Variants in CDH13 observed in about 807,000 individuals in gnomAD.
CDH13 encodes the protein cadherin 13, also known as cadherin-13.
Under a neutral mutation model 63.8 loss-of-function variants are expected in CDH13, and 24 were observed. The observed-to-expected ratio is 0.38, with a 90% CI of 0.27 to 0.53. The LOEUF (loss-of-function observed/expected upper bound fraction) is 0.53. Among genes scored for constraint, CDH13 ranks in the 20% least tolerant of loss-of-function variants. CDH13 has a pLI of 0.85. For synonymous variants in CDH13, 503 were observed against 355.3 expected (o/e 1.42, Z -4.67); for missense variants, 1,049 against 903.1 (o/e 1.16, Z -2.07).
At chr16:83,758,793 C>A (rs1238269007) in intron 11 of CDH13, among the ~76,000 whole-genome samples, 2 of 152,160 alleles carry the variant, frequency 1.3e-5, no homozygotes, top group African/African-American at 2.4e-5. Flanking sequence ...ATCAGAAACA[C>A]CAAATAGCAA....
At chr16:82,945,844 T>A (rs1407507181) in intron 2 of CDH13, among the ~76,000 whole-genome samples, 2 of 152,144 alleles carry the variant, frequency 1.3e-5, no homozygotes, top group East Asian at 3.9e-4. Context: ...AGAGTCAAGA[T>A]AAAATACCTA....
chr16:83,394,256 A>C (rs939374066), intron 6 of CDH13, among the ~76,000 whole-genome samples: 3 of 152,056 alleles, frequency 2.0e-5, no homozygotes, highest in East Asian at 3.8e-4. Flanking sequence ...TTTAAAAAAA[A>C]AAAACAAAAA....
intron 5 of CDH13, among the ~76,000 whole-genome samples, chr16:83,290,833 C>T (rs1176589962): frequency 1.3e-5 from 2 of 152,170 alleles, no homozygotes; most frequent in Non-Finnish European, 2.9e-5. Context: ...TCAGGGCCGC[C>T]TTTCACCTTG....
chr16:83,769,034 G>A (rs543955162), intron 11 of CDH13, among the ~76,000 whole-genome samples: 6 of 152,276 alleles, frequency 3.9e-5, no homozygotes, highest in African/African-American at 1.2e-4. Context: ...GTCACAGAAC[G>A]AGAAGATGGG....
At chr16:83,340,369 T>A (rs1173158019) in intron 5 of CDH13, among the ~76,000 whole-genome samples, 1 of 152,080 alleles carries the variant, frequency 6.6e-6, no homozygotes, top group Non-Finnish European at 1.5e-5. Context: ...CCTACAAACA[T>A]CTGTCTTCCT....
At chr16:82,947,900 G>C (rs1411912117) in intron 2 of CDH13, among the ~76,000 whole-genome samples, 2 of 152,166 alleles carry the variant, frequency 1.3e-5, no homozygotes, top group South Asian at 2.1e-4. Flanking sequence ...GATGGAACTA[G>C]TTGGGAGTGT....
At chr16:83,676,589 C>T (rs915808179) in intron 9 of CDH13, among the ~76,000 whole-genome samples, 2 of 152,238 alleles carry the variant, frequency 1.3e-5, no homozygotes, top group Non-Finnish European at 2.9e-5. Context: ...TGGTGAATTA[C>T]TGCTGTGTTA....
chr16:83,412,661 G>A (rs144239807), intron 6 of CDH13, among the ~76,000 whole-genome samples: 248 of 152,238 alleles, frequency 1.6e-3, no homozygotes, highest in Non-Finnish European at 3.1e-3. Context: ...TCAACTCCTT[G>A]CAGGTAGACA....
At chr16:83,507,357 T>C (rs2074425315) in intron 7 of CDH13, among the ~76,000 whole-genome samples, 1 of 152,222 alleles carries the variant, frequency 6.6e-6, no homozygotes, top group East Asian at 1.9e-4. Flanking sequence ...GCTGAATGAA[T>C]GAAGAGTGTG....
intron 5 of CDH13, among the ~76,000 whole-genome samples, chr16:83,303,735 G>A (rs1427478109): frequency 6.6e-6 from 1 of 152,144 alleles, no homozygotes; most frequent in Non-Finnish European, 1.5e-5. Flanking sequence ...GAAACCTTGA[G>A]GCTACTGCTT....
At chr16:83,658,894 GTATCCTCACCAGCAAGGTCCCA>G (rs1913159912) in intron 8 of CDH13, among the ~76,000 whole-genome samples, 4 of 66,926 alleles carry the variant, frequency 6.0e-5, no homozygotes, top group African/African-American at 1.8e-4. Context: ...ACCAGGTCCC[GTATCCTCACCAGCAAGGTCCCA>G]TATCCTCACC....
intron 8 of CDH13, among the ~76,000 whole-genome samples, chr16:83,670,415 C>T (rs1029779058): frequency 3.3e-5 from 5 of 152,204 alleles, no homozygotes; most frequent in Admixed American, 1.3e-4. Flanking sequence ...GACTCAGGGA[C>T]ACAAGCTCCT....
rs1447699103 is a variant in CDH13 at position 83,490,014 on chromosome 16, C to CAT, written c.960+3360_960+3361insTA. On this transcript the variant is annotated intron_variant, in intron 7 of 13. Coordinates refer to ENST00000567109, the MANE Select transcript of CDH13 (RefSeq NM_001257.5). ...AAGAGCAGGAGCTGCAGAAACCACACACACACACACACACACACACACACA... is the reference window on the plus strand; with the variant it reads ...AAGAGCAGGAGCTGCAGAAACCACACATACACACACACACACACACACACACA... 5.0e-4 allele frequency among the ~76,000 whole-genome samples: 59 copies of CAT among 117,644 alleles called. 1 individual carries two copies. The highest frequency in any genetic ancestry group is 2.1e-3 in the African/African-American group (57 of 27,526). 77.2% of individuals were successfully genotyped at this position (117,644 alleles called of 152,430 possible). A position where few individuals can be genotyped will look rare whatever the true frequency, so the allele number is the denominator to read the frequency against.
intron 1 of CDH13, among the ~76,000 whole-genome samples, chr16:82,810,108 G>A (rs1030148262): frequency 3.9e-5 from 6 of 152,174 alleles, no homozygotes; most frequent in African/African-American, 7.2e-5. Flanking sequence ...ATCATTGATC[G>A]AAGTAAGAAA....
chr16:82,779,270 C>T (rs1300784543), intron 1 of CDH13, among the ~76,000 whole-genome samples: 3 of 152,042 alleles, frequency 2.0e-5, no homozygotes, highest in Non-Finnish European at 4.4e-5. Context: ...GGGACATGTC[C>T]AAGATCACAC....
intron 1 of CDH13, among the ~76,000 whole-genome samples, chr16:82,706,734 A>G (rs979933836): frequency 6.6e-6 from 1 of 151,696 alleles, no homozygotes; most frequent in African/African-American, 2.4e-5. Context: ...AACCCAGGAG[A>G]CGGAGGTTGC....
At chr16:83,484,901 G>A (rs541664018) in intron 6 of CDH13, among the ~76,000 whole-genome samples, 1 of 152,284 alleles carries the variant, frequency 6.6e-6, no homozygotes, top group Admixed American at 6.5e-5. Flanking sequence ...CACTGTTTGA[G>A]AACGCTGATT....
At chr16:82,850,547 C>T (rs542046027) in intron 1 of CDH13, among the ~76,000 whole-genome samples, 2 of 152,266 alleles carry the variant, frequency 1.3e-5, no homozygotes, top group East Asian at 3.9e-4. Flanking sequence ...CGTACCTAAA[C>T]TTAGTTGATA....
At chr16:82,776,352 G>A (rs2035496845) in intron 1 of CDH13, among the ~76,000 whole-genome samples, 1 of 152,188 alleles carries the variant, frequency 6.6e-6, no homozygotes, top group Non-Finnish European at 1.5e-5. Context: ...ATATGCTTTT[G>A]TGAGACTATC....
Sources: gnomAD v4.1 joint callset for allele counts (sites outside exome capture counted in the v4.1 genomes callset) on GRCh38, gnomAD v4.1.1 for gene constraint, MANE v1.5 for transcripts, NCBI Gene and HGNC (gene_info 2026-07-23, HGNC 2026-07-21) for gene names.